LRRTM4: variants seen among roughly 807,000 people sequenced by gnomAD.
LRRTM4 encodes leucine rich repeat transmembrane neuronal 4, also known as leucine-rich repeat transmembrane neuronal protein 4.
LRRTM4 carries 25 observed loss-of-function variants against 47.6 expected under a neutral mutation model. That is an observed-to-expected ratio of 0.53 (90% confidence interval 0.38 to 0.73). The LOEUF is 0.73. LRRTM4 is among the 30% of genes least tolerant of loss of function. The probability of loss-of-function intolerance (pLI) is 0.00; values close to 1 mark genes in which losing one functional copy is unlikely to be tolerated. For missense variants in LRRTM4, 638 were observed against 713.4 expected (o/e 0.89, Z 1.20); for synonymous variants, 311 against 269.5 (o/e 1.15, Z -1.51).
intron 3 of LRRTM4, among the ~76,000 whole-genome samples, chr2:77,124,820 C>T (rs1671611972): frequency 6.6e-6 from 1 of 152,052 alleles, no homozygotes; most frequent in Non-Finnish European, 1.5e-5. Flanking sequence ...CCATGATATC[C>T]ATCTTCTTCA....
chr2:77,266,507 T>A (rs1251750791), intron 3 of LRRTM4, among the ~76,000 whole-genome samples: 1 of 152,092 alleles, frequency 6.6e-6, no homozygotes, highest in East Asian at 1.9e-4. Flanking sequence ...AGCAAAATAT[T>A]TTAACTGATG....
intron 3 of LRRTM4, among the ~76,000 whole-genome samples, chr2:77,303,135 C>T (rs193232875): frequency 6.6e-5 from 10 of 152,084 alleles, no homozygotes; most frequent in African/African-American, 1.2e-4. Flanking sequence ...GAAAAATCTT[C>T]CTCAAATACA....
At chr2:77,442,055 T>G (rs79369410) in intron 3 of LRRTM4, among the ~76,000 whole-genome samples, 1,587 of 152,266 alleles carry the variant, frequency 0.01, 26 homozygotes, top group African/African-American at 0.036. Context: ...TCAGAAATTC[T>G]TTAGTACCAA....
At chr2:77,398,319 C>G (rs1673785505) in intron 3 of LRRTM4, among the ~76,000 whole-genome samples, 1 of 151,870 alleles carries the variant, frequency 6.6e-6, no homozygotes, top group African/African-American at 2.4e-5. Context: ...ACCTGTGGGA[C>G]CAGATACGTT....
At chr2:77,018,311 A>G (rs1416509641) in intron 3 of LRRTM4, among the ~76,000 whole-genome samples, 1 of 133,394 alleles carries the variant, frequency 7.5e-6, no homozygotes, top group East Asian at 2.5e-4. Flanking sequence ...GAGCTGGTGA[A>G]AAGAGAACAG....
intron 3 of LRRTM4, among the ~76,000 whole-genome samples, chr2:77,446,089 A>G (rs187918457): frequency 1.3e-5 from 2 of 152,212 alleles, no homozygotes; most frequent in African/African-American, 4.8e-5. Context: ...TAACATTATC[A>G]TCATATAATC....
rs386390525 is a variant in LRRTM4, at chr2:77,083,783, C to CT, written c.1552-334868dup. 7.7e-3 allele frequency among the ~76,000 whole-genome samples: 402 copies of CT among 52,374 alleles called. 82 individuals carry two copies. Among genetic ancestry groups the CT allele is most frequent in the Non-Finnish European group, 0.012 (272 of 23,534 alleles). The allele number at this position is 52,374 out of a possible 152,430, so 34.4% of individuals were successfully genotyped here. On this transcript the variant is annotated intron_variant, in intron 3 of 3. Coordinates refer to ENST00000409884, the MANE Select transcript of LRRTM4 (RefSeq NM_001134745.3). ...ACTTCTCAATTTTTAACTGGACACA[C>CT]TTTTTTTTTTTTTTTTTTTTTTTTT...
At chr2:77,498,446 G>C (rs1196457338) in intron 3 of LRRTM4, among the ~76,000 whole-genome samples, 1 of 151,712 alleles carries the variant, frequency 6.6e-6, no homozygotes, top group Non-Finnish European at 1.5e-5. Context: ...TTTCTCCCTT[G>C]AATCTTTCTT....
chr2:76,944,797 A>T (rs1675268558), intron 3 of LRRTM4, among the ~76,000 whole-genome samples: 1 of 152,100 alleles, frequency 6.6e-6, no homozygotes, highest in African/African-American at 2.4e-5. Flanking sequence ...AATGGGAAGG[A>T]AATTTACAAA....
chr2:77,121,116 A>C (rs180884085), intron 3 of LRRTM4, among the ~76,000 whole-genome samples: 1 of 151,848 alleles, frequency 6.6e-6, no homozygotes, highest in African/African-American at 2.4e-5. Context: ...TAAAAGAATT[A>C]GTTTTTTGGG....
At chr2:77,082,850 CATA>C (rs1232417863) in intron 3 of LRRTM4, among the ~76,000 whole-genome samples, 2 of 151,966 alleles carry the variant, frequency 1.3e-5, no homozygotes, top group Non-Finnish European at 2.9e-5. Context: ...ACATTATATA[CATA>C]ATAAAAGTAA....
chr2:77,253,325 G>C (rs965942116), intron 3 of LRRTM4, among the ~76,000 whole-genome samples: 17 of 152,082 alleles, frequency 1.1e-4, no homozygotes, highest in Admixed American at 7.9e-4. Context: ...TAGAGAGTCA[G>C]GAATTTACCA....
intron 3 of LRRTM4, among the ~76,000 whole-genome samples, chr2:77,005,736 G>T (rs539142145): frequency 6.6e-6 from 1 of 152,096 alleles, no homozygotes; most frequent in Admixed American, 6.5e-5. Context: ...TTCACCTTCC[G>T]CAGTGATTGC....
At chr2:76,765,335 G>C (rs1673415268) in intron 3 of LRRTM4, among the ~76,000 whole-genome samples, 1 of 152,156 alleles carries the variant, frequency 6.6e-6, no homozygotes, top group Non-Finnish European at 1.5e-5. Context: ...TGAGAGTTTG[G>C]AGTTTATACA....
chr2:77,460,584 G>A (rs1298551975), intron 3 of LRRTM4, among the ~76,000 whole-genome samples: 1 of 152,156 alleles, frequency 6.6e-6, no homozygotes, highest in Non-Finnish European at 1.5e-5. Context: ...TGATCTATAT[G>A]GTTCATTGAC....
chr2:77,150,147 C>G (rs1419437186), intron 3 of LRRTM4, among the ~76,000 whole-genome samples: 1 of 147,764 alleles, frequency 6.8e-6, no homozygotes, highest in Non-Finnish European at 1.5e-5. Flanking sequence ...TTAGGCTGTG[C>G]AAAACTGAAA....
chr2:77,315,778 T>C (rs994824926), intron 3 of LRRTM4, among the ~76,000 whole-genome samples: 3 of 152,180 alleles, frequency 2.0e-5, no homozygotes, highest in African/African-American at 7.2e-5. Context: ...TTCTCAAGGA[T>C]CTGGGAACTA....
At chr2:77,491,781 C>T (rs1341304625) in intron 3 of LRRTM4, among the ~76,000 whole-genome samples, 1 of 151,750 alleles carries the variant, frequency 6.6e-6, no homozygotes, top group African/African-American at 2.4e-5. Flanking sequence ...AATTATTTAT[C>T]TTTCTTCATT....
chr2:77,482,941 T>C (rs142036657), intron 3 of LRRTM4, among the ~76,000 whole-genome samples: 2,794 of 151,666 alleles, frequency 0.018, 92 homozygotes, highest in African/African-American at 0.064. Flanking sequence ...GCCAACATGG[T>C]AAAACCCTGT....
Sources: allele counts gnomAD v4.1 joint callset (sites outside exome capture counted in the v4.1 genomes callset), GRCh38; gene constraint gnomAD v4.1.1; transcripts MANE v1.5; gene names NCBI Gene and HGNC (gene_info 2026-07-23, HGNC 2026-07-21).